The following TSG101 variants were observed in gnomAD, a reference collection of about 807,000 sequenced individuals.
The protein encoded by TSG101 is tumor susceptibility gene 101 protein.
TSG101 carries 19 observed loss-of-function variants against 48.5 expected under a neutral mutation model. The observed-to-expected ratio is 0.39, with a 90% CI of 0.27 to 0.58. The LOEUF is 0.58. Among genes scored for constraint, TSG101 ranks in the 20% least tolerant of loss-of-function variants. The pLI, the probability that TSG101 is intolerant of heterozygous loss-of-function variation, is 0.55. For synonymous variants in TSG101, 174 were observed against 169.4 expected, an observed-to-expected ratio of 1.03 and a Z score of -0.21; for missense variants, 365 against 484.4, an observed-to-expected ratio of 0.75 and a Z score of 2.31.
chr11:18,481,457 A>C (rs954185824), intron 9 of TSG101, 173 bp downstream of exon 9: 7 of 1,412,262 alleles, frequency 5.0e-6, no homozygotes, highest in Non-Finnish European at 6.4e-6. Context: ...ACCAATCCTC[A>C]GTACTCTGTA....
At chr11:18,526,702 C>T (rs1850380994) in intron 1 of TSG101, 73 bp downstream of exon 1, 9 of 1,545,336 alleles carry the variant, frequency 5.8e-6, no homozygotes, top group Non-Finnish European at 7.8e-6. Flanking sequence ...CTTGGCTGGG[C>T]CGGGACGGAC....
chr11:18,480,493 G>T lies in TSG101; in HGVS notation c.*53C>A. 7.0e-7 allele frequency: 1 copy of T among 1,431,946 alleles called. No individual in the cohort carries two copies. Among genetic ancestry groups the T allele is most frequent in the Non-Finnish European group, 9.7e-7 (1 of 1,029,284 alleles). 88.7% of individuals were successfully genotyped at this position (1,431,946 alleles called of 1,614,324 possible). A position where few individuals can be genotyped will look rare whatever the true frequency, so the allele number is the denominator to read the frequency against. ...TTATTCTGGGCACCTACTGATAAAA[G>T]GAAGAGAAGAATACTTTAAGAAGAG... On this transcript the variant is annotated 3_prime_UTR_variant, in exon 10 of 10. Transcript: ENST00000251968.
intron 8 of TSG101, among the ~76,000 whole-genome samples, chr11:18,482,608 T>C (rs1849557700): frequency 1.3e-5 from 2 of 152,244 alleles, no homozygotes; most frequent in South Asian, 2.1e-4. Flanking sequence ...AGCAAAGCCA[T>C]AGGGCTGACT....
At chr11:18,480,857 C>G (rs1004756008) in intron 9 of TSG101, among the ~76,000 whole-genome samples, 1 of 152,142 alleles carries the variant, frequency 6.6e-6, no homozygotes, top group African/African-American at 2.4e-5. Flanking sequence ...GGAGTTTGAC[C>G]TACACTTTCT....
At chr11:18,506,678 A>C (rs1849980062) in intron 6 of TSG101, among the ~76,000 whole-genome samples, 179 bp downstream of exon 6, 1 of 152,060 alleles carries the variant, frequency 6.6e-6, no homozygotes, top group Non-Finnish European at 1.5e-5. Flanking sequence ...TGACAGAGCA[A>C]GACTCCATCT....
intron 7 of TSG101, among the ~76,000 whole-genome samples, chr11:18,498,000 T>C (rs904577208): frequency 6.6e-6 from 1 of 151,922 alleles, no homozygotes; most frequent in Non-Finnish European, 1.5e-5. Context: ...TCTATGTTCA[T>C]TCAGGAACTC....
At chr11:18,489,147 T>C (rs1849663618) in intron 7 of TSG101, among the ~76,000 whole-genome samples, 1 of 151,502 alleles carries the variant, frequency 6.6e-6, no homozygotes, top group African/African-American at 2.4e-5. Context: ...AAGAATGTTT[T>C]GATTTCAAAA....
intron 7 of TSG101, among the ~76,000 whole-genome samples, chr11:18,496,352 G>C (rs938905478): frequency 1.8e-4 from 27 of 151,634 alleles, no homozygotes; most frequent in Admixed American, 1.4e-3. Context: ...TGAGGCAGGA[G>C]AATCACTTGA....
intron 6 of TSG101, 118 bp from the exon 7 acceptor site, chr11:18,502,695 T>C: frequency 1.4e-6 from 1 of 705,204 alleles, no homozygotes; most frequent in South Asian, 1.9e-5. Context: ...TTGATGAATT[T>C]ATAGTCTTGG....
At chr11:18,499,642 A>C (rs1020109238) in intron 7 of TSG101, among the ~76,000 whole-genome samples, 1 of 150,680 alleles carries the variant, frequency 6.6e-6, no homozygotes, top group Non-Finnish European at 1.5e-5. Flanking sequence ...CCAACTCCTG[A>C]CCTCGCAATC....
At position 18,481,722 on chromosome 11, in the gene TSG101, G is replaced by A. The variant is rs1257307641; in HGVS notation, c.991C>T (p.Leu331=). The A allele has an allele frequency of 5.6e-6, 9 of 1,614,066 alleles. No individual in the cohort carries two copies. Among genetic ancestry groups the A allele is most frequent in the African/African-American group, 2.7e-5 (2 of 74,940 alleles). The change falls in exon 9 of 10, where the codon CTG becomes TTG. Residue 331 remains leucine (L), a synonymous_variant. Transcript: ENST00000251968. ...TCAATAGCGTTTTCTTCTGCATACA[G>A]ATTCAGGATCTGTTTGTATAAGGGA... ...TAPLYKQILN[L]YAEENAIEDT...
intron 7 of TSG101, among the ~76,000 whole-genome samples, chr11:18,498,415 T>C (rs1849817132): frequency 6.6e-6 from 1 of 152,112 alleles, no homozygotes; most frequent in African/African-American, 2.4e-5. Flanking sequence ...TGGAAGGCTT[T>C]TGAAGTAAAT....
intron 5 of TSG101, chr11:18,508,762 C>T (rs897028283): frequency 2.6e-5 from 4 of 151,384 alleles, no homozygotes; most frequent in African/African-American, 9.7e-5. Context: ...GTATAATTTT[C>T]AGCAGAAGAA....
chr11:18,517,040 G>A (rs948909740), intron 2 of TSG101, among the ~76,000 whole-genome samples: 7 of 151,984 alleles, frequency 4.6e-5, no homozygotes, highest in African/African-American at 9.7e-5. Context: ...ATCCCTAGTC[G>A]CTCACAGTTA....
chr11:18,505,260 C>CTT (rs79752716), intron 6 of TSG101, among the ~76,000 whole-genome samples: 3 of 144,534 alleles, frequency 2.1e-5, no homozygotes, highest in African/African-American at 7.7e-5. Context: ...ATATGCCAAT[C>CTT]TTTTTTTTTT....
intron 7 of TSG101, chr11:18,490,492 C>T (rs915969078): frequency 6.0e-6 from 3 of 498,270 alleles, no homozygotes; most frequent in African/African-American, 4.0e-5. Context: ...GGCTGCATTT[C>T]TTCTTTCTTA....
At chr11:18,520,887 T>C (rs4636650) in intron 1 of TSG101, among the ~76,000 whole-genome samples, 27,666 of 151,870 alleles carry the variant, frequency 0.18, 2,628 homozygotes, top group East Asian at 0.25. Flanking sequence ...AAAAATTATC[T>C]GGGCGTGGTG....
intron 7 of TSG101, among the ~76,000 whole-genome samples, chr11:18,495,248 A>C (rs1276269592): frequency 6.6e-6 from 1 of 152,198 alleles, no homozygotes; most frequent in Admixed American, 6.5e-5. Flanking sequence ...ATTGGCTTTA[A>C]CCGGGAATAA....
At chr11:18,493,589 T>A (rs928925529) in intron 7 of TSG101, among the ~76,000 whole-genome samples, 1 of 152,198 alleles carries the variant, frequency 6.6e-6, no homozygotes, top group Non-Finnish European at 1.5e-5. Context: ...CAGGCCCACA[T>A]AATGGTCCTA....
Sources: gnomAD v4.1 joint callset for allele counts (sites outside exome capture counted in the v4.1 genomes callset) on GRCh38, gnomAD v4.1.1 for gene constraint, MANE v1.5 for transcripts, NCBI Gene and HGNC (gene_info 2026-07-23, HGNC 2026-07-21) for gene names.